DLG2: variants seen among roughly 807,000 people sequenced by gnomAD.
DLG2 encodes the protein disks large homolog 2.
DLG2 carries 45 observed loss-of-function variants against 132.5 expected under a neutral mutation model. That is an observed-to-expected ratio of 0.34 (90% CI 0.27 to 0.44). The LOEUF is 0.44. DLG2 is among the 20% of genes least tolerant of loss of function. The pLI, the probability that DLG2 is intolerant of heterozygous loss-of-function variation, is 1.00. For missense variants in DLG2, 1,045 were observed against 1,196.9 expected (o/e 0.87, Z 1.87); for synonymous variants, 424 against 419.6 (o/e 1.01, Z -0.13).
intron 4 of DLG2, among the ~76,000 whole-genome samples, chr11:85,189,478 G>A (rs1448216943): frequency 6.6e-6 from 1 of 152,172 alleles, no homozygotes. Context: ...TATGCTGAGT[G>A]AAAGAAGCTA....
At chr11:84,690,952 A>G (rs1333621656) in intron 6 of DLG2, among the ~76,000 whole-genome samples, 1 of 151,916 alleles carries the variant, frequency 6.6e-6, no homozygotes, top group East Asian at 1.9e-4. Flanking sequence ...AAGAATTCTT[A>G]TAACATTGAC....
intron 2 of DLG2, among the ~76,000 whole-genome samples, chr11:85,601,919 T>A (rs1400056006): frequency 6.6e-6 from 1 of 152,210 alleles, no homozygotes; most frequent in Non-Finnish European, 1.5e-5. Flanking sequence ...CTTGATAATC[T>A]TATCTAATTC....
intron 6 of DLG2, chr11:85,021,196 T>C (rs765472088): frequency 1.9e-6 from 2 of 1,067,110 alleles, no homozygotes; most frequent in Admixed American, 1.7e-5. Flanking sequence ...CCTTCGTGAG[T>C]TGTTTCCTGA....
At chr11:84,570,702 C>T (rs760554644) in intron 6 of DLG2, among the ~76,000 whole-genome samples, 1 of 152,116 alleles carries the variant, frequency 6.6e-6, no homozygotes, top group South Asian at 2.1e-4. Flanking sequence ...GAAGACAGTT[C>T]CTTGATTTCC....
At chr11:84,975,475 G>C (rs2054762163) in intron 6 of DLG2, among the ~76,000 whole-genome samples, 3 of 152,132 alleles carry the variant, frequency 2.0e-5, no homozygotes, top group African/African-American at 7.2e-5. Flanking sequence ...AGTACTTCAA[G>C]ACACATTTTG....
intron 10 of DLG2, among the ~76,000 whole-genome samples, chr11:84,094,824 C>T (rs539413145): frequency 1.3e-5 from 2 of 152,076 alleles, no homozygotes; most frequent in Non-Finnish European, 2.9e-5. Flanking sequence ...AAGGCCATAG[C>T]AATTTATAAT....
intron 9 of DLG2, among the ~76,000 whole-genome samples, chr11:84,154,872 C>T (rs138784534): frequency 0.017 from 2,560 of 152,192 alleles, 75 homozygotes; most frequent in African/African-American, 0.058. Flanking sequence ...TGTATATGTG[C>T]CACATTTTCT....
intron 7 of DLG2, among the ~76,000 whole-genome samples, chr11:84,338,465 G>A (rs1277729540): frequency 1.3e-5 from 2 of 152,080 alleles, no homozygotes; most frequent in East Asian, 1.9e-4. Flanking sequence ...AATTGTCCTA[G>A]CTAATCCCTT....
chr11:84,460,264 A>T (rs1006111093), intron 7 of DLG2, among the ~76,000 whole-genome samples: 5 of 150,404 alleles, frequency 3.3e-5, no homozygotes, highest in Admixed American at 1.3e-4. Context: ...GATGCATTTT[A>T]TTTAGGATCT....
chr11:84,483,507 T>C (rs1236944349), intron 7 of DLG2, among the ~76,000 whole-genome samples: 2 of 149,660 alleles, frequency 1.3e-5, no homozygotes, highest in African/African-American at 4.9e-5. Flanking sequence ...GCTGGACAAA[T>C]GAGGAAGCTG....
intron 7 of DLG2, among the ~76,000 whole-genome samples, chr11:84,442,176 G>A (rs1653105101): frequency 6.6e-6 from 1 of 152,090 alleles, no homozygotes. Flanking sequence ...ATAGCTTGAT[G>A]GGGATAGCAT....
chr11:84,174,359 G>A (rs1175730323), intron 8 of DLG2, among the ~76,000 whole-genome samples: 6 of 151,892 alleles, frequency 4.0e-5, no homozygotes, highest in African/African-American at 1.5e-4. Flanking sequence ...TACTGCTCAA[G>A]TAGCTTCAAT....
At chr11:85,108,030 C>A (rs958132851) in intron 6 of DLG2, among the ~76,000 whole-genome samples, 7 of 131,864 alleles carry the variant, frequency 5.3e-5, no homozygotes, top group South Asian at 5.1e-4. Context: ...ACACACACAT[C>A]CAGGAAGAAA....
At chr11:85,359,914 G>GA (rs1446757348) in intron 3 of DLG2, among the ~76,000 whole-genome samples, 5 of 152,152 alleles carry the variant, frequency 3.3e-5, no homozygotes, top group Admixed American at 1.3e-4. Context: ...ACTATCGTGT[G>GA]AAAAAAATGG....
At chr11:84,155,469 C>A in intron 9 of DLG2, among the ~76,000 whole-genome samples, 1 of 151,230 alleles carries the variant, frequency 6.6e-6, no homozygotes, top group East Asian at 1.9e-4. Context: ...AGTCAGCCGT[C>A]TAGTCCCCTA....
chr11:83,983,807 G>A (rs183452466), intron 11 of DLG2, among the ~76,000 whole-genome samples: 24 of 152,018 alleles, frequency 1.6e-4, no homozygotes, highest in African/African-American at 5.1e-4. Context: ...CCCCAAACTG[G>A]CTTTTCCTAT....
chr11:83,497,415 G>C (rs1591857597), intron 21 of DLG2, among the ~76,000 whole-genome samples: 1 of 152,016 alleles, frequency 6.6e-6, no homozygotes, highest in Non-Finnish European at 1.5e-5. Context: ...TGTGCCTGTA[G>C]TCCCATCTAC....
At chr11:84,108,050 G>T (rs1294979428) in intron 9 of DLG2, among the ~76,000 whole-genome samples, 1 of 152,134 alleles carries the variant, frequency 6.6e-6, no homozygotes, top group Non-Finnish European at 1.5e-5. Context: ...GGTTTACTTT[G>T]TAAGTGATGA....
rs181112748 is a variant in DLG2, at chr11:85,221,948, T to G, written c.186+63272A>C. On this transcript the variant is annotated intron_variant, in intron 4 of 27. Transcript: ENST00000376104. ...TTCTTTCTTTCTTTCTTTCTTTTTT[T>G]TTTTCTTGAGACAGAGTCTCACTCT... Among the ~76,000 whole-genome samples the G allele has an allele frequency of 1.7e-3, 265 of 152,160 alleles. 1 individual carries two copies. Among genetic ancestry groups the G allele is most frequent in the African/African-American group, 6.3e-3 (260 of 41,514 alleles).
Sources: allele counts gnomAD v4.1 joint callset (sites outside exome capture counted in the v4.1 genomes callset), GRCh38; gene constraint gnomAD v4.1.1; transcripts MANE v1.5; gene names NCBI Gene and HGNC (gene_info 2026-07-23, HGNC 2026-07-21).